Variants in SLC16A10 observed in about 807,000 individuals in gnomAD.
SLC16A10 encodes the protein solute carrier family 16 member 10, also known as monocarboxylate transporter 10.
In SLC16A10, 27 loss-of-function variants were observed where a neutral mutation model predicts 40.0. The observed-to-expected ratio is 0.67, with a 90% CI of 0.50 to 0.93. SLC16A10 has a LOEUF of 0.93. SLC16A10 is among the 40% of genes least tolerant of loss of function. SLC16A10 has a pLI of 0.00. For missense variants in SLC16A10, 529 were observed against 658.2 expected (o/e 0.80, Z 2.15); for synonymous variants, 213 against 249.8 (o/e 0.85, Z 1.39).
chr6:111,168,004 G>A, intron 1 of SLC16A10, among the ~76,000 whole-genome samples: 1 of 148,800 alleles, frequency 6.7e-6, no homozygotes, highest in East Asian at 2.0e-4. Context: ...TTTTGAAACA[G>A]AGTCTTACTC....
At chr6:111,181,296 C>A (rs1157984269) in intron 3 of SLC16A10, among the ~76,000 whole-genome samples, 1 of 151,862 alleles carries the variant, frequency 6.6e-6, no homozygotes, top group African/African-American at 2.4e-5. Context: ...GTTGCATAAC[C>A]TTGGGCATCC....
intron 3 of SLC16A10, among the ~76,000 whole-genome samples, chr6:111,181,685 A>G (rs969794286): frequency 2.0e-5 from 3 of 152,194 alleles, no homozygotes; most frequent in Non-Finnish European, 4.4e-5. Flanking sequence ...ATTGTACATG[A>G]TGATTTGAGA....
chr6:111,113,866 T>G (rs764756757), intron 1 of SLC16A10, among the ~76,000 whole-genome samples: 12 of 152,122 alleles, frequency 7.9e-5, no homozygotes, highest in Admixed American at 1.3e-4. Context: ...CAGCCAACCT[T>G]GAGTGAGTAA....
At chr6:111,103,321 G>T (rs1172573902) in intron 1 of SLC16A10, among the ~76,000 whole-genome samples, 4 of 152,114 alleles carry the variant, frequency 2.6e-5, no homozygotes, top group Non-Finnish European at 5.9e-5. Flanking sequence ...GGGTTCAAGC[G>T]ATTCTCCTGT....
At chr6:111,126,431 G>T (rs72939539) in intron 1 of SLC16A10, among the ~76,000 whole-genome samples, 1 of 152,126 alleles carries the variant, frequency 6.6e-6, no homozygotes, top group Non-Finnish European at 1.5e-5. Context: ...GCAGCTGAAT[G>T]GTAAGTAGGT....
intron 3 of SLC16A10, among the ~76,000 whole-genome samples, chr6:111,199,305 C>T (rs1773127445): frequency 6.6e-6 from 1 of 151,906 alleles, no homozygotes; most frequent in East Asian, 1.9e-4. Flanking sequence ...GCTAAAAACA[C>T]AAAATTAGCT....
intron 4 of SLC16A10, among the ~76,000 whole-genome samples, chr6:111,215,804 A>G (rs1199926860): frequency 6.6e-6 from 1 of 152,226 alleles, no homozygotes; most frequent in African/African-American, 2.4e-5. Flanking sequence ...CGGGAGTTCA[A>G]GAATGGCCTG....
intron 1 of SLC16A10, chr6:111,091,088 A>T (rs886605996): frequency 6.6e-6 from 1 of 152,160 alleles, no homozygotes. Context: ...GACTTTGTTA[A>T]TATCTTTCTT....
Position 111,142,588 on chromosome 6 carries a change from A to G in SLC16A10, c.344-30107A>G, listed in dbSNP as rs183292933. On this transcript the variant is annotated intron_variant, in intron 1 of 5. Transcript: ENST00000368851. ...ACTCTAATAGATATCTCATCAAAGAAGATATATAGATGGCAAATAAGCATA... is the reference window on the plus strand; with the variant it reads ...ACTCTAATAGATATCTCATCAAAGAGGATATATAGATGGCAAATAAGCATA... Among the ~76,000 whole-genome samples the G allele has an allele frequency of 4.0e-4, 61 of 152,384 alleles. 1 individual carries two copies. The East Asian group carries it at 8.5e-3, about 21-fold the overall frequency.
chr6:111,121,965 G>C (rs1438465740), intron 1 of SLC16A10, among the ~76,000 whole-genome samples: 1 of 152,192 alleles, frequency 6.6e-6, no homozygotes, highest in Admixed American at 6.5e-5. Context: ...TCAGCAGCTG[G>C]CTTTCTGTAC....
chr6:111,205,603 A>G (rs1482194173), intron 3 of SLC16A10, among the ~76,000 whole-genome samples: 1 of 152,240 alleles, frequency 6.6e-6, no homozygotes, highest in Non-Finnish European at 1.5e-5. Context: ...TTTCTGAAGT[A>G]GGTACTTTTC....
chr6:111,131,252 C>G (rs571763716), intron 1 of SLC16A10, among the ~76,000 whole-genome samples: 449 of 152,362 alleles, frequency 2.9e-3, no homozygotes, highest in African/African-American at 0.01. Flanking sequence ...CATTGCCGCT[C>G]CCAATCGGGC....
intron 3 of SLC16A10, among the ~76,000 whole-genome samples, chr6:111,186,574 T>G (rs1772901507): frequency 6.6e-6 from 1 of 152,198 alleles, no homozygotes; most frequent in African/African-American, 2.4e-5. Context: ...ATTTCTTACC[T>G]TCAACATCTA....
chr6:111,145,496 T>C (rs1164755976), intron 1 of SLC16A10, among the ~76,000 whole-genome samples: 2 of 152,306 alleles, frequency 1.3e-5, no homozygotes, highest in East Asian at 3.9e-4. Flanking sequence ...AGAATAGTTT[T>C]TCCAACAAAT....
In SLC16A10 at chr6:111,177,494, T is replaced by A; in HGVS notation, c.771T>A (p.Ser257Arg). The A allele has an allele frequency of 6.2e-7, 1 of 1,614,084 alleles. No individual in the cohort carries two copies. Among genetic ancestry groups the A allele is most frequent in the Middle Eastern group, 1.6e-4 (1 of 6,062 alleles). Residue 257 changes from serine (S) to arginine (R), a missense_variant, in exon 3 of 6, where the codon AGT becomes AGA. Coordinates refer to ENST00000368851, the MANE Select transcript of SLC16A10 (RefSeq NM_018593.5). The part of the protein sequence containing the change: ...AGFTYRPLAT[S>R]TKDKESGGSG... ...TTACTTACCGACCTCTTGCTACCAG[T>A]ACCAAAGATAAAGAGAGTGGAGGTA...
At chr6:111,163,893 C>T (rs1047602512) in intron 1 of SLC16A10, among the ~76,000 whole-genome samples, 2 of 152,156 alleles carry the variant, frequency 1.3e-5, no homozygotes, top group African/African-American at 4.8e-5. Flanking sequence ...CTGGTCTCTC[C>T]CACACCCTTT....
At chr6:111,216,236 A>G (rs1434763180) in intron 4 of SLC16A10, among the ~76,000 whole-genome samples, 2 of 152,170 alleles carry the variant, frequency 1.3e-5, no homozygotes, top group African/African-American at 4.8e-5. Context: ...TGTAGGCCCA[A>G]CAATTACTCA....
At chr6:111,146,468 C>T (rs1400563576) in intron 1 of SLC16A10, among the ~76,000 whole-genome samples, 1 of 152,152 alleles carries the variant, frequency 6.6e-6, no homozygotes, top group Non-Finnish European at 1.5e-5. Flanking sequence ...AGGCCGGGCG[C>T]GGTGGCTCAA....
intron 3 of SLC16A10, among the ~76,000 whole-genome samples, chr6:111,203,478 T>TA (rs1773204651): frequency 6.6e-6 from 1 of 151,794 alleles, no homozygotes; most frequent in Non-Finnish European, 1.5e-5. Flanking sequence ...TCATGCACTT[T>TA]AGGAAGCCGA....
Sources: gnomAD v4.1 joint callset for allele counts (sites outside exome capture counted in the v4.1 genomes callset) on GRCh38, gnomAD v4.1.1 for gene constraint, MANE v1.5 for transcripts, NCBI Gene and HGNC (gene_info 2026-07-23, HGNC 2026-07-21) for gene names.